The following EEIG1 variants were observed in gnomAD, a reference collection of about 807,000 sequenced individuals.
EEIG1 encodes the protein estrogen-induced osteoclastogenesis regulator 1, also known as early estrogen-induced gene 1 protein.
At chr9:127,967,002 G>A in the EEIG1 span, among the ~76,000 whole-genome samples, 2 of 152,184 alleles carry the variant, frequency 1.3e-5, no homozygotes, top group African/African-American at 2.4e-5. Context: ...CATCTGTCAC[G>A]CTAGCGACCC....
chr9:127,950,200 C>T, the EEIG1 span, among the ~76,000 whole-genome samples: 3 of 152,360 alleles, frequency 2.0e-5, no homozygotes, highest in East Asian at 5.8e-4. Flanking sequence ...TGGAGACTGT[C>T]AGGGCCCCCT....
At chr9:127,967,977 CTTTTTT>C in the EEIG1 span, among the ~76,000 whole-genome samples, 1 of 99,260 alleles carries the variant, frequency 1.0e-5, no homozygotes, top group Non-Finnish European at 2.1e-5. Flanking sequence ...TTCCCCAGGT[CTTTTTT>C]TTTTTTTTTT....
chr9:127,948,454 A>C, the EEIG1 span: 1 of 1,605,680 alleles, frequency 6.2e-7, no homozygotes, highest in Non-Finnish European at 8.5e-7. Context: ...CTGACCACCC[A>C]CAGCCTGCCC....
the EEIG1 span, chr9:127,944,582 C>T: frequency 1.3e-6 from 2 of 1,538,808 alleles, no homozygotes; most frequent in Non-Finnish European, 1.8e-6. Flanking sequence ...AAGCCCCAGC[C>T]GCCCCGACGA....
the EEIG1 span, among the ~76,000 whole-genome samples, chr9:127,978,329 T>A: frequency 2.6e-5 from 4 of 152,128 alleles, no homozygotes; most frequent in African/African-American, 9.7e-5. Context: ...TCGAGGTCCC[T>A]GGCAAGCCAC....
chr9:127,951,216 C>T, the EEIG1 span, among the ~76,000 whole-genome samples: 1 of 152,146 alleles, frequency 6.6e-6, no homozygotes, highest in Non-Finnish European at 1.5e-5. Flanking sequence ...CGAGGTGGTG[C>T]CAGACTTGGG....
chr9:127,945,277 C>A, the EEIG1 span: 4 of 1,073,570 alleles, frequency 3.7e-6, no homozygotes, highest in Non-Finnish European at 5.3e-6. This position sits in a 1 kb window ranked among gnomAD's most constrained non-coding sequence, Gnocchi z 6.5. Context: ...GGGGACCTTA[C>A]GGTCCCTGTG....
the EEIG1 span, among the ~76,000 whole-genome samples, chr9:127,968,907 A>G: frequency 6.6e-6 from 1 of 152,190 alleles, no homozygotes; most frequent in African/African-American, 2.4e-5. Context: ...TGATTCCCTG[A>G]AGACTCACAG....
the EEIG1 span, among the ~76,000 whole-genome samples, chr9:127,958,484 A>G: frequency 1.3e-5 from 2 of 151,992 alleles, no homozygotes; most frequent in Non-Finnish European, 2.9e-5. Context: ...GGGCAACACA[A>G]CAAGACCCCA....
At chr9:127,970,411 G>A in the EEIG1 span, among the ~76,000 whole-genome samples, 117,547 of 152,108 alleles carry the variant, frequency 0.77, 46,771 homozygotes, top group Non-Finnish European at 0.87. Flanking sequence ...GAGCCACTGC[G>A]CCTGGCCGCA....
chr9:127,950,859 T>A, the EEIG1 span: 1 of 346,170 alleles, frequency 2.9e-6, no homozygotes, highest in Non-Finnish European at 4.6e-6. Context: ...CATTGTTCCC[T>A]GGGAAACAAG....
At chr9:127,961,301 A>AAG in the EEIG1 span, among the ~76,000 whole-genome samples, 3 of 3,038 alleles carry the variant, frequency 9.9e-4, no homozygotes, top group Non-Finnish European at 0.016. Flanking sequence ...ATGGGGCATG[A>AAG]TCCCATGCAT....
chr9:127,947,976 C>T, the EEIG1 span: 1 of 1,394,186 alleles, frequency 7.2e-7, no homozygotes, highest in South Asian at 1.3e-5. Context: ...ATCACTCTCC[C>T]CTCAGTCAGC....
At chr9:127,946,000 C>G in the EEIG1 span, among the ~76,000 whole-genome samples, 1 of 152,238 alleles carries the variant, frequency 6.6e-6, no homozygotes, top group Non-Finnish European at 1.5e-5. This position sits in a 1 kb window ranked among gnomAD's most constrained non-coding sequence, Gnocchi z 6.5. Context: ...AAGAAGAACG[C>G]TGAACAAAAA....
At chr9:127,955,071 G>C in the EEIG1 span, among the ~76,000 whole-genome samples, 12 of 152,194 alleles carry the variant, frequency 7.9e-5, no homozygotes, top group African/African-American at 1.4e-4. Flanking sequence ...GCTCAGGAAG[G>C]GGTGGCCAGG....
At chr9:127,948,879 C>T in the EEIG1 span, among the ~76,000 whole-genome samples, 1 of 152,160 alleles carries the variant, frequency 6.6e-6, no homozygotes, top group African/African-American at 2.4e-5. Flanking sequence ...AAGCATGAAG[C>T]CATTGCAAAC....
the EEIG1 span, chr9:127,942,231 G>A: frequency 2.0e-5 from 3 of 152,778 alleles, no homozygotes; most frequent in Admixed American, 6.5e-5. Flanking sequence ...CCTGAGGGCA[G>A]AGAAGGACTT....
At chr9:127,965,642 G>A in the EEIG1 span, among the ~76,000 whole-genome samples, 376 of 152,318 alleles carry the variant, frequency 2.5e-3, 19 homozygotes, top group East Asian at 0.063. Context: ...TCCTGGAGGA[G>A]TGAGCGGCAA....
the EEIG1 span, chr9:127,948,107 G>A: frequency 2.4e-5 from 39 of 1,612,910 alleles, no homozygotes; most frequent in Non-Finnish European, 3.0e-5. Flanking sequence ...TTGGGGGGCC[G>A]GGACCCAGTC....
Sources: allele counts gnomAD v4.1 joint callset (sites outside exome capture counted in the v4.1 genomes callset), GRCh38; gene constraint gnomAD v4.1.1; non-coding constraint Gnocchi (gnomAD v3.1); transcripts MANE v1.5; gene names NCBI Gene and HGNC (gene_info 2026-07-23, HGNC 2026-07-21).